OPCML: variants seen among roughly 807,000 people sequenced by gnomAD.
OPCML encodes opioid-binding protein/cell adhesion molecule.
In OPCML, 13 loss-of-function variants were observed where a neutral mutation model predicts 37.8. The observed-to-expected ratio is 0.34, with a 90% CI of 0.22 to 0.55. OPCML has a LOEUF of 0.55. OPCML is among the 20% of genes least tolerant of loss of function. The pLI, the probability that OPCML is intolerant of heterozygous loss-of-function variation, is 0.91. For synonymous variants in OPCML, 176 were observed against 168.8 expected, an observed-to-expected ratio of 1.04 and a Z score of -0.33; for missense variants, 341 against 435.6, an observed-to-expected ratio of 0.78 and a Z score of 1.93.
At chr11:133,386,503 C>T (rs1256793354) in intron 1 of OPCML, among the ~76,000 whole-genome samples, 1 of 152,200 alleles carries the variant, frequency 6.6e-6, no homozygotes, top group African/African-American at 2.4e-5. Context: ...CTCACAAGCG[C>T]TCCCCTCCTA....
At chr11:133,161,357 A>G (rs1274947044) in intron 1 of OPCML, among the ~76,000 whole-genome samples, 1 of 152,236 alleles carries the variant, frequency 6.6e-6, no homozygotes, top group African/African-American at 2.4e-5. Flanking sequence ...GTGATGACAG[A>G]AAGTGTTCGT....
At chr11:132,724,649 C>T (rs1189499075) in intron 2 of OPCML, among the ~76,000 whole-genome samples, 2 of 152,156 alleles carry the variant, frequency 1.3e-5, no homozygotes, top group African/African-American at 2.4e-5. Flanking sequence ...GTATTAACTC[C>T]ATAGTACAAA....
At chr11:133,027,385 G>A (rs1214946265) in intron 1 of OPCML, among the ~76,000 whole-genome samples, 1 of 152,056 alleles carries the variant, frequency 6.6e-6, no homozygotes, top group Non-Finnish European at 1.5e-5. Context: ...TAACAAAGAA[G>A]GTACTTACCA....
chr11:133,028,714 A>G (rs941689623), intron 1 of OPCML, among the ~76,000 whole-genome samples: 3 of 152,140 alleles, frequency 2.0e-5, no homozygotes, highest in African/African-American at 7.2e-5. Context: ...TCAACTTAAG[A>G]TGGATTAAAG....
rs557028561 is a variant in OPCML, at chr11:133,499,164, G to A, written c.61+33100C>T. On this transcript the variant is annotated intron_variant, in intron 1 of 7. Transcript: ENST00000524381. ...CGTCCAGCTCCCTCCAGAAGTCAAC[G>A]TTTTTGCTGACCTGGCAGCAAACCA... Among the ~76,000 whole-genome samples, 36 of 152,238 alleles carry A rather than the reference G, an allele frequency of 2.4e-4. No individual in the cohort carries two copies. In the South Asian group the frequency reaches 4.8e-3, roughly 20 times the overall value.
chr11:132,614,005 A>G (rs1444684089), intron 3 of OPCML, among the ~76,000 whole-genome samples: 1 of 152,160 alleles, frequency 6.6e-6, no homozygotes, highest in Non-Finnish European at 1.5e-5. Flanking sequence ...CAACAAAGTC[A>G]ATCTATGTTA....
intron 3 of OPCML, among the ~76,000 whole-genome samples, chr11:132,591,212 T>C (rs1415608383): frequency 1.3e-5 from 2 of 152,174 alleles, no homozygotes. Flanking sequence ...GAAATGATTA[T>C]GGCGCCACAG....
intron 1 of OPCML, among the ~76,000 whole-genome samples, chr11:133,386,860 G>A (rs1252183152): frequency 3.3e-5 from 5 of 152,186 alleles, no homozygotes; most frequent in African/African-American, 7.2e-5. Flanking sequence ...GACAGAGCAC[G>A]GTGACACTTA....
intron 4 of OPCML, among the ~76,000 whole-genome samples, chr11:132,484,725 A>T (rs2096193698): frequency 6.6e-6 from 1 of 152,194 alleles, no homozygotes; most frequent in Non-Finnish European, 1.5e-5. Flanking sequence ...ACACCATGGA[A>T]TACTATGCAG....
intron 7 of OPCML, among the ~76,000 whole-genome samples, chr11:132,420,829 A>G (rs2095956032): frequency 6.6e-6 from 1 of 152,186 alleles, no homozygotes; most frequent in Non-Finnish European, 1.5e-5. Context: ...CTAAGGAAGG[A>G]GGAACAATCA....
intron 1 of OPCML, among the ~76,000 whole-genome samples, chr11:133,280,132 C>T (rs953545916): frequency 6.6e-6 from 1 of 152,180 alleles, no homozygotes; most frequent in Non-Finnish European, 1.5e-5. Context: ...AATCATCAGG[C>T]AAAATAGTTG....
At chr11:132,447,962 G>A (rs1306154227) in intron 4 of OPCML, among the ~76,000 whole-genome samples, 1 of 152,226 alleles carries the variant, frequency 6.6e-6, no homozygotes, top group Non-Finnish European at 1.5e-5. Flanking sequence ...AAGCCAACCA[G>A]AGAGGGAATC....
At chr11:132,469,438 T>A (rs1459000795) in intron 4 of OPCML, among the ~76,000 whole-genome samples, 1 of 149,408 alleles carries the variant, frequency 6.7e-6, no homozygotes, top group African/African-American at 2.5e-5. Flanking sequence ...TATGTGTGTG[T>A]GAATGTATGT....
Position 132,940,636 on chromosome 11 carries a change from G to T in OPCML, c.146+2290C>A, listed in dbSNP as rs11223290. Among the ~76,000 whole-genome samples, 138 of 152,216 alleles carry T rather than the reference G, an allele frequency of 9.1e-4. 1 individual carries two copies. The highest frequency in any genetic ancestry group is 3.2e-3 in the African/African-American group (132 of 41,538). On this transcript the variant is annotated intron_variant, in intron 2 of 7. Coordinates refer to ENST00000524381, the MANE Select transcript of OPCML (RefSeq NM_001012393.5). The stretch of plus-strand genomic sequence containing the variant: ...GACAAATCAGTTGTTTGTTAAGATG[G>T]GAACAGAACTCTTCACCAATACAGC...
At chr11:133,423,076 TCGAA>T in intron 1 of OPCML, 1 of 985,440 alleles carries the variant, frequency 1.0e-6, no homozygotes, top group Non-Finnish European at 1.2e-6. Context: ...ACTTATGCTC[TCGAA>T]CGTGTTCTCC....
intron 2 of OPCML, among the ~76,000 whole-genome samples, chr11:132,702,473 T>A (rs1288264047): frequency 6.6e-6 from 1 of 152,228 alleles, no homozygotes; most frequent in Non-Finnish European, 1.5e-5. Flanking sequence ...ACTTTTCTCT[T>A]GCTGCATTTA....
intron 1 of OPCML, among the ~76,000 whole-genome samples, chr11:133,341,582 T>C (rs1943871020): frequency 6.6e-6 from 1 of 152,340 alleles, no homozygotes; most frequent in Non-Finnish European, 1.5e-5. Flanking sequence ...ATGTTTCCTT[T>C]TGTTTTGCAG....
intron 4 of OPCML, among the ~76,000 whole-genome samples, chr11:132,475,961 C>T (rs948950249): frequency 1.2e-4 from 18 of 152,152 alleles, no homozygotes; most frequent in East Asian, 3.9e-4. Context: ...AACCTCTTTT[C>T]GCCCCAGTTT....
intron 1 of OPCML, among the ~76,000 whole-genome samples, chr11:133,252,206 C>T (rs776794317): frequency 2.6e-5 from 4 of 152,192 alleles, no homozygotes; most frequent in Admixed American, 6.5e-5. Flanking sequence ...TACATACACA[C>T]ATACATACAT....
Sources: gnomAD v4.1 joint callset for allele counts (sites outside exome capture counted in the v4.1 genomes callset) on GRCh38, gnomAD v4.1.1 for gene constraint, MANE v1.5 for transcripts, NCBI Gene and HGNC (gene_info 2026-07-23, HGNC 2026-07-21) for gene names.